Variants in KPNA4 observed in about 807,000 individuals in gnomAD.
KPNA4 encodes importin subunit alpha-3.
In KPNA4, 13 loss-of-function variants were observed where a neutral mutation model predicts 71.3. The observed-to-expected ratio is 0.18, with a 90% CI of 0.12 to 0.29. The LOEUF is 0.29. KPNA4 is among the 10% of genes least tolerant of loss of function. KPNA4 has a pLI of 1.00. For missense variants in KPNA4, 334 were observed against 603.2 expected (o/e 0.55, Z 4.67); for synonymous variants, 189 against 195.2 (o/e 0.97, Z 0.26).
chr3:160,510,553 G>A (rs1240950929), intron 13 of KPNA4, among the ~76,000 whole-genome samples: 1 of 152,034 alleles, frequency 6.6e-6, no homozygotes, highest in African/African-American at 2.4e-5. Context: ...CTGAAAAAAT[G>A]CTTATGATGT....
chr3:160,529,144 G>A (rs922954351), intron 7 of KPNA4, among the ~76,000 whole-genome samples: 1 of 152,050 alleles, frequency 6.6e-6, no homozygotes, highest in Admixed American at 6.5e-5. Context: ...ATGTTGCCCA[G>A]GCTGGTCTCT....
chr3:160,531,965 T>G (rs1358386606), intron 5 of KPNA4, among the ~76,000 whole-genome samples: 1 of 152,218 alleles, frequency 6.6e-6, no homozygotes, highest in African/African-American at 2.4e-5. Context: ...GCTATTTTTG[T>G]ATTTTTAGTA....
Position 160,508,090 on chromosome 3 carries a change from G to T in KPNA4, c.1372+17C>A, listed in dbSNP as rs751847068. The T allele has an allele frequency of 1.3e-6, 2 of 1,581,608 alleles. No homozygotes were observed. Among genetic ancestry groups the T allele is most frequent in the South Asian group, 2.3e-5 (2 of 86,006 alleles). ...GAGAACATTAAGATGTGGAATAAGA[G>T]CTTATAATAAACTTACCTCCACATT... On this transcript the variant is annotated intron_variant, in intron 15 of 16. Coordinates refer to ENST00000334256, the MANE Select transcript of KPNA4 (RefSeq NM_002268.5).
At chr3:160,539,021 A>G (rs1721743098) in intron 1 of KPNA4, among the ~76,000 whole-genome samples, 1 of 152,208 alleles carries the variant, frequency 6.6e-6, no homozygotes, top group African/African-American at 2.4e-5. Context: ...CCTGGTACAC[A>G]GCAGTGTATG....
chr3:160,562,096 T>C (rs935857346), intron 1 of KPNA4, among the ~76,000 whole-genome samples: 3 of 152,256 alleles, frequency 2.0e-5, no homozygotes, highest in African/African-American at 7.2e-5. Context: ...GATCATAATA[T>C]GCTACAATTA....
intron 13 of KPNA4, among the ~76,000 whole-genome samples, chr3:160,512,722 C>G (rs1721121526): frequency 6.6e-6 from 1 of 152,076 alleles, no homozygotes; most frequent in Admixed American, 6.6e-5. Context: ...GTCCCAGCTA[C>G]TTGGGAGGCT....
chr3:160,551,752 G>T (rs1034568048), intron 1 of KPNA4, among the ~76,000 whole-genome samples: 11 of 150,094 alleles, frequency 7.3e-5, no homozygotes, highest in Non-Finnish European at 1.5e-4. Context: ...AGCTAATTAA[G>T]AACTTTTCAG....
At chr3:160,564,921 C>T (rs1722311467) in intron 1 of KPNA4, among the ~76,000 whole-genome samples, 1 of 146,724 alleles carries the variant, frequency 6.8e-6, no homozygotes, top group Admixed American at 6.8e-5. Flanking sequence ...CGCGCCGCGC[C>T]CGGCCTCCCC....
At position 160,542,413 on chromosome 3, in the gene KPNA4, A is replaced by T. The variant is rs187259477; in HGVS notation, c.70-5573T>A. ...GTGCTTATTCATGCCTTTGTCAAATAGTATTTATGTTGGCAAACTGCATGT... is the reference window on the plus strand; with the variant it reads ...GTGCTTATTCATGCCTTTGTCAAATTGTATTTATGTTGGCAAACTGCATGT... On this transcript the variant is annotated intron_variant, in intron 1 of 16. Coordinates refer to ENST00000334256, the MANE Select transcript of KPNA4 (RefSeq NM_002268.5). Among the ~76,000 whole-genome samples the T allele has an allele frequency of 1.6e-3, 240 of 152,340 alleles. 1 individual carries two copies. Among genetic ancestry groups the T allele is most frequent in the Middle Eastern group, 3.4e-3 (1 of 294 alleles).
chr3:160,529,996 G>A (rs1164032653), intron 7 of KPNA4, among the ~76,000 whole-genome samples: 2 of 151,702 alleles, frequency 1.3e-5, no homozygotes, highest in East Asian at 1.9e-4. Context: ...CTAGCCGGGC[G>A]TGGTGGTGGG....
intron 1 of KPNA4, 151 bp downstream of exon 1, chr3:160,565,063 C>A: frequency 1.6e-6 from 1 of 638,170 alleles, no homozygotes; most frequent in South Asian, 1.9e-5. Flanking sequence ...TCCCGGCGCG[C>A]TAGCAGAGGC....
At chr3:160,511,137 G>A (rs899732131) in intron 13 of KPNA4, among the ~76,000 whole-genome samples, 1 of 134,842 alleles carries the variant, frequency 7.4e-6, no homozygotes, top group Non-Finnish European at 1.6e-5. Flanking sequence ...ATGGAGTCTC[G>A]CTCTGTCACC....
In KPNA4 at chr3:160,526,079, G is replaced by A. The variant is rs1309266862; in HGVS notation, c.585C>T (p.Val195=). The stretch of plus-strand genomic sequence containing the variant: ...AAGGTTTCACAACTCCAAGACTTAT[G>A]ACATAATCTCTACACTGGGGCCCAT... The part of the protein sequence containing the change: ...IGDGPQCRDY[V]ISLGVVKPLL... Residue 195 remains valine, a synonymous_variant, in exon 9 of 17, where the codon GTC becomes GTT. Coordinates refer to ENST00000334256, the MANE Select transcript of KPNA4 (RefSeq NM_002268.5). 1.9e-6 allele frequency: 3 copies of A among 1,579,512 alleles called. No homozygotes were observed. The highest frequency in any genetic ancestry group is 1.2e-5 in the South Asian group (1 of 83,490).
chr3:160,555,251 GT>G (rs1307838314), intron 1 of KPNA4, among the ~76,000 whole-genome samples: 1 of 152,202 alleles, frequency 6.6e-6, no homozygotes, highest in Non-Finnish European at 1.5e-5. Flanking sequence ...AGGAAAAAGA[GT>G]TTTTAGTTTT....
intron 1 of KPNA4, among the ~76,000 whole-genome samples, chr3:160,562,311 T>C (rs780527080): frequency 6.6e-5 from 10 of 152,204 alleles, no homozygotes; most frequent in Non-Finnish European, 1.3e-4. Flanking sequence ...GCATGGTATT[T>C]TGGATATACT....
chr3:160,517,184 A>G (rs1396445464), intron 11 of KPNA4, among the ~76,000 whole-genome samples: 1 of 152,054 alleles, frequency 6.6e-6, no homozygotes, highest in African/African-American at 2.4e-5. Context: ...GATTTTGGCT[A>G]TCTTGGGCAC....
In KPNA4 at chr3:160,498,846, GTGTTT is replaced by G. The variant is rs1451822831; in HGVS notation, c.*3253_*3257del. On this transcript the variant is annotated 3_prime_UTR_variant, in exon 17 of 17. Transcript: ENST00000334256. ...CAGAAATTGTGAAATAATGTATGTTGTGTTTTAAGACACTAAATTTATGGTAATTA... is the reference window on the plus strand; with the variant it reads ...CAGAAATTGTGAAATAATGTATGTTGTAAGACACTAAATTTATGGTAATTA... 6.6e-6 allele frequency: 1 copy of G among 152,158 alleles called. No individual in the cohort carries two copies. Among genetic ancestry groups the G allele is most frequent in the Non-Finnish European group, 1.5e-5 (1 of 68,032 alleles). 9.4% of individuals were successfully genotyped at this position (152,158 alleles called of 1,614,324 possible).
intron 14 of KPNA4, 49 bp downstream of exon 14, chr3:160,509,751 C>T (rs935568860): frequency 5.9e-6 from 7 of 1,188,424 alleles, no homozygotes; most frequent in Non-Finnish European, 8.8e-6. Flanking sequence ...ATTACCTGTA[C>T]TTTTATTTTA....
intron 1 of KPNA4, among the ~76,000 whole-genome samples, chr3:160,553,062 C>T (rs76403860): frequency 0.036 from 5,529 of 152,120 alleles, 346 homozygotes; most frequent in African/African-American, 0.13. Context: ...AACAAGGTAA[C>T]CACTCTGGAG....
Sources: gnomAD v4.1 joint callset for allele counts (sites outside exome capture counted in the v4.1 genomes callset) on GRCh38, gnomAD v4.1.1 for gene constraint, MANE v1.5 for transcripts, NCBI Gene and HGNC (gene_info 2026-07-23, HGNC 2026-07-21) for gene names.